COL25A1: variants seen among roughly 807,000 people sequenced by gnomAD.
COL25A1 encodes the protein collagen alpha-1(XXV) chain.
Under a neutral mutation model 128.4 loss-of-function variants are expected in COL25A1, and 103 were observed. The ratio of observed to expected loss-of-function variants is 0.80; its 90% CI spans 0.68 to 0.94. COL25A1 has a LOEUF of 0.94. COL25A1 is among the 40% of genes least tolerant of loss of function. The pLI is 0.00. For missense variants in COL25A1, 745 were observed against 840.0 expected (o/e 0.89, Z 1.40); for synonymous variants, 279 against 277.2 (o/e 1.01, Z -0.06).
chr4:108,995,313 G>A (rs773160442), intron 6 of COL25A1, among the ~76,000 whole-genome samples: 3 of 152,132 alleles, frequency 2.0e-5, no homozygotes, highest in Admixed American at 6.5e-5. Context: ...CAAGAACTTC[G>A]TGACACGTGC....
chr4:108,910,240 AT>A (rs1744048308), intron 13 of COL25A1, among the ~76,000 whole-genome samples: 3 of 152,296 alleles, frequency 2.0e-5, no homozygotes, highest in Admixed American at 6.5e-5. Context: ...TGGAAAGAGA[AT>A]GTGTTTAATT....
At chr4:108,887,731 T>C (rs1469154569) in intron 18 of COL25A1, among the ~76,000 whole-genome samples, 1 of 152,194 alleles carries the variant, frequency 6.6e-6, no homozygotes, top group Non-Finnish European at 1.5e-5. Context: ...GATAAGGCAA[T>C]GTTTTATTAA....
At position 109,023,816 on chromosome 4, in the gene COL25A1, G is replaced by A. The variant is rs376637231; in HGVS notation, c.421-13441C>T. ...ACAAACCATACAGTCAAAACTTGCT[G>A]TCTTCCAGAAGAACACTGTGCCTGC... is the stretch of plus-strand genomic sequence containing the variant. On this transcript the variant is annotated intron_variant, in intron 5 of 37. Transcript: ENST00000399132. Among the ~76,000 whole-genome samples the A allele has an allele frequency of 1.3e-4, 20 of 152,286 alleles. No homozygotes were observed. In the South Asian group the frequency reaches 3.9e-3, roughly 30 times the overall value.
Position 109,301,799 on chromosome 4 carries a change from G to T in COL25A1, c.221C>A (p.Ser74Tyr). The T allele has an allele frequency of 6.2e-7, 1 of 1,614,242 alleles. No homozygotes were observed. The change falls in exon 2 of 38, where the codon TCC (serine) becomes TAC (tyrosine). Residue 74 changes from serine (S) to tyrosine (Y), a missense_variant. By Grantham distance (144) the Ser-to-Tyr change is moderately radical. This residue lies in a region of COL25A1 where 319 missense variants were observed against 324.9 expected (regional missense o/e 0.98). Transcript: ENST00000399132. ...CAGGGTATCAGGCAGCAGATGAATG[G>T]AAGGGGCCCCTTTGGCGGATTCGAG... ...AALESAKGAP[S>Y]IHLLPDTLDH...
intron 3 of COL25A1, among the ~76,000 whole-genome samples, chr4:109,098,951 C>A (rs1052782665): frequency 1.3e-5 from 2 of 152,192 alleles, no homozygotes; most frequent in African/African-American, 2.4e-5. Context: ...GTTCTGTGAG[C>A]TTGGATATCA....
At chr4:109,058,658 T>C (rs567396109) in intron 3 of COL25A1, among the ~76,000 whole-genome samples, 26 of 152,316 alleles carry the variant, frequency 1.7e-4, no homozygotes, top group African/African-American at 6.0e-4. Context: ...AGTGGGCTAA[T>C]AGAAACTAGG....
At chr4:109,017,495 A>C (rs1757328080) in intron 5 of COL25A1, among the ~76,000 whole-genome samples, 1 of 152,252 alleles carries the variant, frequency 6.6e-6, no homozygotes, top group Non-Finnish European at 1.5e-5. Flanking sequence ...GTTGCCAGTA[A>C]GTGCTAACAC....
At chr4:108,996,096 A>C (rs1343834265) in intron 6 of COL25A1, among the ~76,000 whole-genome samples, 1 of 152,174 alleles carries the variant, frequency 6.6e-6, no homozygotes, top group African/African-American at 2.4e-5. Flanking sequence ...TCATAATGAC[A>C]AGATCAAATT....
At chr4:109,198,359 A>G (rs1047931505) in intron 3 of COL25A1, among the ~76,000 whole-genome samples, 12 of 151,716 alleles carry the variant, frequency 7.9e-5, no homozygotes, top group Non-Finnish European at 1.2e-4. Context: ...CTATGCATTA[A>G]TCAAGAGAAA....
intron 11 of COL25A1, among the ~76,000 whole-genome samples, chr4:108,924,678 T>A (rs1331844263): frequency 6.6e-6 from 1 of 152,188 alleles, no homozygotes; most frequent in Non-Finnish European, 1.5e-5. Context: ...CTCCAATCCT[T>A]TCTGCACACT....
chr4:108,908,813 G>T (rs1743853325), intron 13 of COL25A1, among the ~76,000 whole-genome samples: 1 of 152,178 alleles, frequency 6.6e-6, no homozygotes, highest in Non-Finnish European at 1.5e-5. Flanking sequence ...TAGGGGGCCA[G>T]TGAATTGGAA....
intron 3 of COL25A1, among the ~76,000 whole-genome samples, chr4:109,090,878 C>T (rs1419906757): frequency 6.6e-6 from 1 of 152,086 alleles, no homozygotes; most frequent in Non-Finnish European, 1.5e-5. Context: ...ATCAAAGTTG[C>T]TAACATTTAT....
chr4:109,095,275 G>C (rs1765291352), intron 3 of COL25A1, among the ~76,000 whole-genome samples: 1 of 152,178 alleles, frequency 6.6e-6, no homozygotes, highest in South Asian at 2.1e-4. Context: ...ATTCCACTTT[G>C]TCTGTCAGAA....
At chr4:109,196,447 A>C (rs915382024) in intron 3 of COL25A1, among the ~76,000 whole-genome samples, 1 of 151,954 alleles carries the variant, frequency 6.6e-6, no homozygotes, top group Non-Finnish European at 1.5e-5. Flanking sequence ...TTGTAAACAT[A>C]TATGTTTACA....
chr4:109,094,909 A>G (rs924408992), intron 3 of COL25A1, among the ~76,000 whole-genome samples: 8 of 152,244 alleles, frequency 5.3e-5, no homozygotes, highest in African/African-American at 1.9e-4. Context: ...AGACAAGAAC[A>G]AATCAGCTTA....
intron 3 of COL25A1, among the ~76,000 whole-genome samples, chr4:109,116,265 G>A (rs75132206): frequency 0.02 from 2,997 of 152,088 alleles, 89 homozygotes; most frequent in South Asian, 0.12. Context: ...AGATGAAGGA[G>A]GGGAAATAAG....
chr4:108,974,442 G>C (rs1752228803), intron 7 of COL25A1, 49 bp from the exon 8 acceptor site: 1 of 1,608,830 alleles, frequency 6.2e-7, no homozygotes, highest in Non-Finnish European at 8.5e-7. Flanking sequence ...ATTTATACAT[G>C]ATGTTCATTA....
chr4:109,057,549 T>G (rs1169131222), intron 3 of COL25A1, among the ~76,000 whole-genome samples: 5 of 148,532 alleles, frequency 3.4e-5, no homozygotes, highest in Non-Finnish European at 7.4e-5. Flanking sequence ...CCCAAAGTGC[T>G]GGGATTATAG....
chr4:108,869,915 T>C (rs1290615245), intron 19 of COL25A1, among the ~76,000 whole-genome samples: 9 of 152,128 alleles, frequency 5.9e-5, no homozygotes, highest in African/African-American at 1.9e-4. Flanking sequence ...TCATGATACT[T>C]GCAACTGAGC....
Sources: gnomAD v4.1 joint callset for allele counts (sites outside exome capture counted in the v4.1 genomes callset) on GRCh38, gnomAD v4.1.1 for gene constraint, gnomAD v4.1.1 regional missense constraint, MANE v1.5 for transcripts, NCBI Gene and HGNC (gene_info 2026-07-23, HGNC 2026-07-21) for gene names.